CEP128: variants seen among roughly 807,000 people sequenced by gnomAD.
The protein encoded by CEP128 is centrosomal protein 128kDa.
CEP128 carries 132 observed loss-of-function variants against 156.7 expected under a neutral mutation model. That is an observed-to-expected ratio of 0.84 (90% CI 0.73 to 0.97). The LOEUF (loss-of-function observed/expected upper bound fraction) is 0.97. Among genes scored for constraint, CEP128 ranks in the 50% least tolerant of loss-of-function variants. CEP128 has a pLI of 0.00. For synonymous variants in CEP128, 469 were observed against 448.9 expected (o/e 1.04, Z -0.57); for missense variants, 1,252 against 1,281.9 (o/e 0.98, Z 0.36).
exon 15 of CEP128, chr14:80,478,077 T>C (rs1886977810): frequency 6.6e-6 from 1 of 152,194 alleles, no homozygotes. Context: ...CCCCCCTTTT[T>C]TCTGCTTGAA....
rs1225819052 is a variant in CEP128 at position 80,703,104 on chromosome 14, AAAG to A, written c.2806+39968_2806+39970del. 3.3e-5 allele frequency among the ~76,000 whole-genome samples: 5 copies of A among 152,274 alleles called. No homozygotes were observed. The East Asian group carries it at 9.6e-4, about 29-fold the overall frequency. On this transcript the variant is annotated intron_variant, in intron 19 of 24. Transcript: ENST00000555265. ...CACAGATTGGCAGATGAGGTAGGAA[AAAG>A]AAGGCCAGAGATAAAAGGCAGGCAA...
chr14:80,796,685 C>T (rs1182236682), intron 13 of CEP128, among the ~76,000 whole-genome samples: 1 of 152,144 alleles, frequency 6.6e-6, no homozygotes, highest in East Asian at 1.9e-4. Context: ...TATGCATCAT[C>T]CCACCTACAC....
chr14:80,764,469 G>A (rs932453409), intron 16 of CEP128, among the ~76,000 whole-genome samples: 7 of 150,290 alleles, frequency 4.7e-5, no homozygotes, highest in Non-Finnish European at 7.4e-5. Context: ...ACTGCAGTCC[G>A]CAGTCCGGCC....
intron 2 of CEP128, among the ~76,000 whole-genome samples, chr14:80,926,639 A>G (rs1885165373): frequency 6.6e-6 from 1 of 152,192 alleles, no homozygotes; most frequent in Non-Finnish European, 1.5e-5. Flanking sequence ...CTGAGACACT[A>G]GAATACCTCC....
At chr14:80,850,594 G>C (rs1192140046) in intron 9 of CEP128, among the ~76,000 whole-genome samples, 1 of 152,160 alleles carries the variant, frequency 6.6e-6, no homozygotes, top group Non-Finnish European at 1.5e-5. Context: ...AATTCTTTCT[G>C]TCCATTATTT....
At chr14:80,875,333 A>G (rs527396164) in intron 8 of CEP128, among the ~76,000 whole-genome samples, 7 of 152,256 alleles carry the variant, frequency 4.6e-5, no homozygotes, top group Non-Finnish European at 7.3e-5. Flanking sequence ...CAAAAAATAA[A>G]TGTCTATATT....
chr14:80,501,389 A>C (rs1887726136), intron 24 of CEP128, among the ~76,000 whole-genome samples: 1 of 152,194 alleles, frequency 6.6e-6, no homozygotes, highest in South Asian at 2.1e-4. Context: ...ATAATTGTTC[A>C]ATGACTTCAG....
chr14:80,794,739 T>G (rs565895643), intron 13 of CEP128, among the ~76,000 whole-genome samples: 1 of 152,214 alleles, frequency 6.6e-6, no homozygotes, highest in African/African-American at 2.4e-5. Context: ...TAGGGAGGTA[T>G]TCTCACTAAC....
chr14:80,955,859 C>T (rs775650042), intron 2 of CEP128: 1 of 1,614,100 alleles, frequency 6.2e-7, no homozygotes, highest in South Asian at 1.1e-5. Flanking sequence ...CTGTGAGTAC[C>T]CGGGAGAGAT....
chr14:80,958,748 G>A (rs1004659552), intron 1 of CEP128, among the ~76,000 whole-genome samples: 12 of 152,040 alleles, frequency 7.9e-5, no homozygotes, highest in African/African-American at 2.9e-4. Flanking sequence ...TTAAAAAGCC[G>A]TTCTGGGTGG....
intron 20 of CEP128, among the ~76,000 whole-genome samples, chr14:80,567,226 G>T (rs1438202301): frequency 6.6e-6 from 1 of 152,124 alleles, no homozygotes; most frequent in East Asian, 1.9e-4. Flanking sequence ...TTATTATGAG[G>T]AGATTATTGA....
intron 19 of CEP128, among the ~76,000 whole-genome samples, chr14:80,627,434 T>G (rs1291426965): frequency 6.6e-6 from 1 of 152,250 alleles, no homozygotes; most frequent in East Asian, 1.9e-4. Flanking sequence ...ACGCATCACA[T>G]GAAGTGTCCA....
chr14:80,831,366 A>C, intron 12 of CEP128, 72 bp from the exon 13 acceptor site: 1 of 1,431,052 alleles, frequency 7.0e-7, no homozygotes, highest in Non-Finnish European at 9.6e-7. Context: ...AATAGTACTG[A>C]GCCCTGATGT....
intron 19 of CEP128, among the ~76,000 whole-genome samples, chr14:80,722,136 A>T (rs1297402980): frequency 6.6e-6 from 1 of 152,204 alleles, no homozygotes; most frequent in Non-Finnish European, 1.5e-5. Context: ...GAGCATGGAC[A>T]CTAATATCCA....
At chr14:80,703,248 C>A (rs547611357) in intron 19 of CEP128, among the ~76,000 whole-genome samples, 1 of 151,936 alleles carries the variant, frequency 6.6e-6, no homozygotes, top group South Asian at 2.1e-4. Flanking sequence ...ATAAAAGGAC[C>A]CTTCTCAGCT....
At chr14:80,540,197 A>ACCC (rs35857257) in intron 21 of CEP128, among the ~76,000 whole-genome samples, 8,400 of 123,556 alleles carry the variant, frequency 0.068, 592 homozygotes, top group East Asian at 0.21. Flanking sequence ...CTGTTCTTAC[A>ACCC]CCCCCCCCCC....
At chr14:80,603,710 G>A (rs1038556867) in intron 19 of CEP128, among the ~76,000 whole-genome samples, 2 of 152,004 alleles carry the variant, frequency 1.3e-5, no homozygotes, top group African/African-American at 4.8e-5. Flanking sequence ...AAAAGATATT[G>A]CAATTATTAT....
At chr14:80,810,020 G>A (rs1884414636) in intron 13 of CEP128, among the ~76,000 whole-genome samples, 1 of 151,758 alleles carries the variant, frequency 6.6e-6, no homozygotes, top group Non-Finnish European at 1.5e-5. Flanking sequence ...AAAAAAGAAA[G>A]GAATAAAGAA....
chr14:80,698,211 G>T (rs1422968752), intron 19 of CEP128, among the ~76,000 whole-genome samples: 1 of 151,994 alleles, frequency 6.6e-6, no homozygotes, highest in Non-Finnish European at 1.5e-5. Context: ...GAGTTAGTGA[G>T]AGTAGTTTCT....
Sources: allele counts gnomAD v4.1 joint callset (sites outside exome capture counted in the v4.1 genomes callset), GRCh38; gene constraint gnomAD v4.1.1; transcripts MANE v1.5; gene names NCBI Gene and HGNC (gene_info 2026-07-23, HGNC 2026-07-21).